The following CADPS variants were observed in gnomAD, a reference collection of about 807,000 sequenced individuals.
CADPS encodes the protein calcium dependent secretion activator, also known as calcium-dependent secretion activator 1.
A neutral mutation model predicts 167.3 loss-of-function variants in CADPS; 57 were observed. The observed-to-expected ratio is 0.34, with a 90% CI of 0.28 to 0.42. The LOEUF is 0.42. CADPS is among the 20% of genes least tolerant of loss of function. The probability of loss-of-function intolerance (pLI) is 1.00; values close to 1 mark genes in which losing one functional copy is unlikely to be tolerated. For synonymous variants in CADPS, 676 were observed against 635.3 expected, an observed-to-expected ratio of 1.06 and a Z score of -0.96; for missense variants, 1,414 against 1,738.1, an observed-to-expected ratio of 0.81 and a Z score of 3.32.
intron 29 of CADPS, among the ~76,000 whole-genome samples, chr3:62,400,571 C>T (rs992453135): frequency 6.7e-6 from 1 of 149,704 alleles, no homozygotes; most frequent in Non-Finnish European, 1.5e-5. Flanking sequence ...TACGTCAACA[C>T]CACTCCCATC....
chr3:62,447,562 A>G (rs1385315253), intron 26 of CADPS, among the ~76,000 whole-genome samples: 1 of 152,172 alleles, frequency 6.6e-6, no homozygotes, highest in Non-Finnish European at 1.5e-5. Flanking sequence ...AAGGAAACTC[A>G]GGGAAAATTT....
At chr3:62,775,000 T>A (rs1299052339) in intron 1 of CADPS, among the ~76,000 whole-genome samples, 2 of 152,138 alleles carry the variant, frequency 1.3e-5, no homozygotes, top group Non-Finnish European at 2.9e-5. Flanking sequence ...GCTATTTGAA[T>A]GAATCTTTTA....
chr3:62,594,151 T>A lies in CADPS; in HGVS notation c.1326-1403A>T, dbSNP rs868157110. ...TTTTATTTTTTTTATTTATTTTTTT[T>A]ATTTTTTTTATTTATTTATTTATTT... On this transcript the variant is annotated intron_variant, in intron 6 of 29. Transcript: ENST00000383710. 6.7e-4 allele frequency among the ~76,000 whole-genome samples: 97 copies of A among 144,620 alleles called. 1 individual carries two copies. The highest frequency in any genetic ancestry group is 2.2e-3 in the African/African-American group (88 of 40,674). The allele number at this position is 144,620 out of a possible 152,430, so 94.9% of individuals were successfully genotyped here. A position where few individuals can be genotyped will look rare whatever the true frequency, so the allele number is the denominator to read the frequency against.
At chr3:62,505,064 A>G (rs150506461) in intron 17 of CADPS, among the ~76,000 whole-genome samples, 1 of 152,324 alleles carries the variant, frequency 6.6e-6, no homozygotes, top group Non-Finnish European at 1.5e-5. Flanking sequence ...GCAATTTGCT[A>G]TGATCTGGGG....
intron 8 of CADPS, among the ~76,000 whole-genome samples, chr3:62,575,641 TGAA>T (rs2082115324): frequency 1.3e-5 from 2 of 152,202 alleles, no homozygotes; most frequent in South Asian, 4.1e-4. Context: ...CCACAGCTGA[TGAA>T]GGACACAGCC....
intron 3 of CADPS, among the ~76,000 whole-genome samples, chr3:62,683,125 G>T (rs989600092): frequency 3.3e-5 from 5 of 152,070 alleles, no homozygotes; most frequent in Non-Finnish European, 5.9e-5. Context: ...GGGCCAAGTT[G>T]TGTGTGGGGT....
chr3:62,730,221 G>C (rs1399170293), intron 3 of CADPS, among the ~76,000 whole-genome samples: 1 of 152,176 alleles, frequency 6.6e-6, no homozygotes, highest in Non-Finnish European at 1.5e-5. Flanking sequence ...CCCCGGTCCA[G>C]TGCTTCCCAA....
At chr3:62,868,587 C>G (rs1360676943) in intron 1 of CADPS, among the ~76,000 whole-genome samples, 1 of 152,040 alleles carries the variant, frequency 6.6e-6, no homozygotes, top group Non-Finnish European at 1.5e-5. Flanking sequence ...GGACAAAATG[C>G]ATTCGTAGAT....
chr3:62,816,449 A>G (rs1265226852), intron 1 of CADPS, among the ~76,000 whole-genome samples: 1 of 152,108 alleles, frequency 6.6e-6, no homozygotes, highest in East Asian at 1.9e-4. Context: ...TGCAAATATC[A>G]TAGAGAAATT....
At chr3:62,803,613 C>T (rs976088964) in intron 1 of CADPS, among the ~76,000 whole-genome samples, 6 of 152,066 alleles carry the variant, frequency 3.9e-5, no homozygotes, top group Non-Finnish European at 8.8e-5. Context: ...CTCCTTGTGC[C>T]TCCACTTTTC....
intron 28 of CADPS, among the ~76,000 whole-genome samples, chr3:62,410,199 C>T (rs990830565): frequency 6.6e-6 from 1 of 152,190 alleles, no homozygotes; most frequent in Non-Finnish European, 1.5e-5. Context: ...CACACCTTCA[C>T]ACACCTTCTT....
At chr3:62,802,152 G>C (rs540368693) in intron 1 of CADPS, among the ~76,000 whole-genome samples, 1 of 152,098 alleles carries the variant, frequency 6.6e-6, no homozygotes, top group African/African-American at 2.4e-5. Flanking sequence ...ATAAGGCCAA[G>C]CCAAATTTTG....
At chr3:62,580,532 A>G (rs2083215963) in intron 8 of CADPS, among the ~76,000 whole-genome samples, 2 of 151,944 alleles carry the variant, frequency 1.3e-5, no homozygotes, top group Admixed American at 6.6e-5. Context: ...ACATGTATAC[A>G]TATGTAACTA....
intron 6 of CADPS, among the ~76,000 whole-genome samples, chr3:62,608,922 C>T (rs1056953342): frequency 2.8e-4 from 42 of 152,168 alleles, no homozygotes; most frequent in Non-Finnish European, 8.8e-5. Context: ...GTCCTTTGCC[C>T]AGGTAAAGTA....
intron 13 of CADPS, among the ~76,000 whole-genome samples, chr3:62,521,459 C>T (rs963208542): frequency 2.0e-4 from 31 of 152,118 alleles, no homozygotes; most frequent in African/African-American, 5.8e-4. Flanking sequence ...ATCTTTCAGA[C>T]GCCATGCTTT....
rs1168251467 is a variant in CADPS, at chr3:62,816,219, T to C, written c.442-50235A>G. Among the ~76,000 whole-genome samples the C allele has an allele frequency of 3.3e-5, 5 of 152,274 alleles. No homozygotes were observed. The East Asian group carries it at 9.7e-4, about 29-fold the overall frequency. On this transcript the variant is annotated intron_variant, in intron 1 of 29. Transcript: ENST00000383710. ...GCCTATATGTAATGGGAAAAAATCC[T>C]TTCCCATTTTAACTGTTTCTGAACT...
intron 4 of CADPS, 64 bp from the exon 5 acceptor site, chr3:62,651,144 C>A: frequency 8.6e-7 from 1 of 1,157,280 alleles, no homozygotes; most frequent in Non-Finnish European, 1.3e-6. Flanking sequence ...TAAAGAAGGT[C>A]TTTGTCCCAT....
At chr3:62,669,486 G>A (rs568484032) in intron 3 of CADPS, among the ~76,000 whole-genome samples, 2 of 152,138 alleles carry the variant, frequency 1.3e-5, no homozygotes, top group African/African-American at 2.4e-5. Flanking sequence ...TGTTTTTGCC[G>A]CATTCAAGAC....
intron 3 of CADPS, among the ~76,000 whole-genome samples, chr3:62,738,883 A>G (rs2079581698): frequency 6.6e-6 from 1 of 152,234 alleles, no homozygotes; most frequent in African/African-American, 2.4e-5. Context: ...TGTTTACTAA[A>G]ATAAATTGGT....
Sources: gnomAD v4.1 joint callset for allele counts (sites outside exome capture counted in the v4.1 genomes callset) on GRCh38, gnomAD v4.1.1 for gene constraint, MANE v1.5 for transcripts, NCBI Gene and HGNC (gene_info 2026-07-23, HGNC 2026-07-21) for gene names.